Variants in ANK3 observed in about 807,000 individuals in gnomAD.
The protein encoded by ANK3 is ankyrin 3, also known as ankyrin-3.
A neutral mutation model predicts 370.9 loss-of-function variants in ANK3; 57 were observed. The observed-to-expected ratio is 0.15, with a 90% CI of 0.12 to 0.19. ANK3 has a LOEUF of 0.19. ANK3 is among the 10% of genes least tolerant of loss of function. The pLI is 1.00. For missense variants in ANK3, 4,439 were observed against 5,302.1 expected, an observed-to-expected ratio of 0.84 and a Z score of 5.06; for synonymous variants, 1,929 against 1,946.3, an observed-to-expected ratio of 0.99 and a Z score of 0.23.
At chr10:60,040,643 C>T (rs1589130127) in intron 43 of ANK3, among the ~76,000 whole-genome samples, 1 of 152,128 alleles carries the variant, frequency 6.6e-6, no homozygotes, top group African/African-American at 2.4e-5. Flanking sequence ...ATTTAGTGAG[C>T]AAGCTGTTTT....
chr10:60,035,956 G>A (rs1805703047), intron 43 of ANK3, among the ~76,000 whole-genome samples: 1 of 151,808 alleles, frequency 6.6e-6, no homozygotes. Flanking sequence ...AAATATTCTG[G>A]AGGGCAGGGT....
chr10:60,721,936 G>C (rs994304801), intron 1 of ANK3, among the ~76,000 whole-genome samples: 1 of 152,146 alleles, frequency 6.6e-6, no homozygotes, highest in African/African-American at 2.4e-5. Flanking sequence ...CTGCAGAAGT[G>C]ACTTTGCCAA....
chr10:60,176,754 C>G (rs917121928), intron 18 of ANK3, among the ~76,000 whole-genome samples: 1 of 151,468 alleles, frequency 6.6e-6, no homozygotes, highest in East Asian at 1.9e-4. Context: ...AGCGAAACTT[C>G]GTCTCAAAAA....
chr10:60,685,118 C>T, intron 1 of ANK3: 1 of 959,578 alleles, frequency 1.0e-6, no homozygotes, highest in Non-Finnish European at 1.5e-6. Context: ...GAGGTTTTCT[C>T]TGGTCTGATT....
At chr10:60,424,956 G>A (rs2063851023) in intron 2 of ANK3, among the ~76,000 whole-genome samples, 2 of 151,946 alleles carry the variant, frequency 1.3e-5, no homozygotes, top group East Asian at 1.9e-4. Flanking sequence ...GGGCCTTTAG[G>A]TCAACTAGAG....
intron 1 of ANK3, among the ~76,000 whole-genome samples, chr10:60,615,453 A>G (rs2078255698): frequency 6.6e-6 from 1 of 152,160 alleles, no homozygotes; most frequent in Admixed American, 6.6e-5. Context: ...AAGCAGGGAC[A>G]CCAAATCAAT....
At chr10:60,093,287 C>A (rs1250105289) in intron 28 of ANK3, among the ~76,000 whole-genome samples, 1 of 152,210 alleles carries the variant, frequency 6.6e-6, no homozygotes, top group Non-Finnish European at 1.5e-5. Context: ...ATATCATCAT[C>A]AGCTAAGCAG....
chr10:60,353,582 C>A (rs540497845), intron 1 of ANK3, among the ~76,000 whole-genome samples: 1 of 152,200 alleles, frequency 6.6e-6, no homozygotes, highest in Non-Finnish European at 1.5e-5. Context: ...TTTGAAGATG[C>A]TAGATGTAGT....
intron 1 of ANK3, among the ~76,000 whole-genome samples, chr10:60,632,888 C>T (rs2078503009): frequency 2.6e-5 from 3 of 115,684 alleles, no homozygotes; most frequent in Non-Finnish European, 5.5e-5. Context: ...TCTTCAAAAA[C>T]AAAAAAATAA....
At chr10:60,452,588 T>G (rs1485884646) in intron 2 of ANK3, among the ~76,000 whole-genome samples, 3 of 152,238 alleles carry the variant, frequency 2.0e-5, no homozygotes, top group African/African-American at 7.2e-5. Flanking sequence ...GAGTAAGGAA[T>G]GCCAACTGCA....
chr10:60,674,100 G>A, intron 1 of ANK3, among the ~76,000 whole-genome samples: 1 of 152,114 alleles, frequency 6.6e-6, no homozygotes, highest in East Asian at 1.9e-4. Flanking sequence ...CTCAGAGTAT[G>A]AGAGTTCTTG....
chr10:60,591,916 C>A (rs1157827190), intron 2 of ANK3, among the ~76,000 whole-genome samples: 1 of 152,028 alleles, frequency 6.6e-6, no homozygotes, highest in Non-Finnish European at 1.5e-5. Flanking sequence ...AGCATGATTA[C>A]CACAGACTTG....
chr10:60,426,957 C>T (rs2063902001), intron 2 of ANK3, among the ~76,000 whole-genome samples: 2 of 152,114 alleles, frequency 1.3e-5, no homozygotes, highest in South Asian at 2.1e-4. Flanking sequence ...AACTTGGAGC[C>T]TCAGGTTCTC....
intron 18 of ANK3, among the ~76,000 whole-genome samples, chr10:60,178,139 C>T (rs940944340): frequency 4.6e-5 from 7 of 152,130 alleles, no homozygotes; most frequent in Non-Finnish European, 1.0e-4. Flanking sequence ...GACAGCTTAG[C>T]CTGGTACATT....
intron 2 of ANK3, among the ~76,000 whole-genome samples, chr10:60,528,137 CTT>C (rs10677013): frequency 1.7e-4 from 19 of 111,042 alleles, no homozygotes; most frequent in African/African-American, 4.6e-4. Context: ...TCTTCTTCTT[CTT>C]TTTTTTTTTT....
chr10:60,131,580 T>C (rs984300294), intron 25 of ANK3, among the ~76,000 whole-genome samples: 2 of 152,220 alleles, frequency 1.3e-5, no homozygotes, highest in Non-Finnish European at 2.9e-5. Flanking sequence ...TGTCTTCTAT[T>C]TCTGTTCACA....
intron 1 of ANK3, among the ~76,000 whole-genome samples, chr10:60,333,490 T>C (rs947074782): frequency 3.3e-5 from 5 of 152,248 alleles, no homozygotes; most frequent in African/African-American, 1.2e-4. Flanking sequence ...CATTCTTTTT[T>C]ACGCCTGTGT....
chr10:60,353,968 G>A (rs1483980975), intron 1 of ANK3, among the ~76,000 whole-genome samples: 7 of 152,186 alleles, frequency 4.6e-5, no homozygotes, highest in South Asian at 2.1e-4. Flanking sequence ...CTTGGCTTGC[G>A]CATCTCCATA....
rs550659586 is a variant in ANK3 at position 60,150,382 on chromosome 10, C to T, written c.2615-11295G>A. Among the ~76,000 whole-genome samples the T allele has an allele frequency of 2.0e-5, 3 of 152,248 alleles. No homozygotes were observed. The South Asian group carries it at 6.2e-4, about 32-fold the overall frequency. On this transcript the variant is annotated intron_variant, in intron 23 of 43. Transcript: ENST00000280772. The stretch of plus-strand genomic sequence containing the variant: ...GTGCAAAATTTCTGTGTGTCCAAAT[C>T]CTATCTATTCTTTAAAATGCCTTTA...
Sources: gnomAD v4.1 joint callset for allele counts (sites outside exome capture counted in the v4.1 genomes callset) on GRCh38, gnomAD v4.1.1 for gene constraint, MANE v1.5 for transcripts, NCBI Gene and HGNC (gene_info 2026-07-23, HGNC 2026-07-21) for gene names.